Variants in MRTFA observed in about 807,000 individuals in gnomAD.
The protein encoded by MRTFA is myocardin-related transcription factor A.
Under a neutral mutation model 83.5 loss-of-function variants are expected in MRTFA, and 20 were observed. The observed-to-expected ratio is 0.24, with a 90% CI of 0.17 to 0.35. The LOEUF (loss-of-function observed/expected upper bound fraction) is 0.35, where lower values mean the gene tolerates loss of function less well. Among genes scored for constraint, MRTFA ranks in the 10% least tolerant of loss-of-function variants. The probability of loss-of-function intolerance (pLI) is 1.00; values close to 1 mark genes in which losing one functional copy is unlikely to be tolerated. For synonymous variants in MRTFA, 659 were observed against 541.2 expected (o/e 1.22, Z -3.02); for missense variants, 1,200 against 1,224.7 (o/e 0.98, Z 0.30).
rs1430687996 is a variant in MRTFA at position 40,410,961 on chromosome 22, C to CTCCCT, written c.*424_*428dup. 3 of 237,272 alleles carry CTCCCT rather than the reference C, an allele frequency of 1.3e-5. No individual in the cohort carries two copies. Among genetic ancestry groups the CTCCCT allele is most frequent in the Non-Finnish European group, 1.6e-5 (2 of 121,266 alleles). 14.7% of individuals were successfully genotyped at this position (237,272 alleles called of 1,614,324 possible). Reference sequence around the variant, plus strand: ...AGGGGGTAGAGGCCCAGGCTAATTTCTCCCTTCACAGCAAAGCAGGGAGAG... The same window carrying CTCCCT: ...AGGGGGTAGAGGCCCAGGCTAATTTCTCCCTTCCCTTCACAGCAAAGCAGGGAGAG... On this transcript the variant is annotated 3_prime_UTR_variant, in exon 15 of 15. Coordinates refer to ENST00000355630, the MANE Select transcript of MRTFA (RefSeq NM_020831.6).
intron 3 of MRTFA, among the ~76,000 whole-genome samples, chr22:40,491,591 T>G (rs560674038): frequency 6.6e-6 from 1 of 152,316 alleles, no homozygotes; most frequent in East Asian, 1.9e-4. Context: ...TAGCTCCCAT[T>G]TGTATAGTAC....
intron 1 of MRTFA, among the ~76,000 whole-genome samples, chr22:40,621,593 T>C (rs1237406932): frequency 6.6e-6 from 1 of 152,192 alleles, no homozygotes; most frequent in African/African-American, 2.4e-5. Flanking sequence ...GACAGTACAC[T>C]TAAAAATGGT....
chr22:40,432,652 AGTAAAG>A (rs1157672369), intron 5 of MRTFA, among the ~76,000 whole-genome samples: 1 of 150,662 alleles, frequency 6.6e-6, no homozygotes, highest in Non-Finnish European at 1.5e-5. Flanking sequence ...CATTATATAT[AGTAAAG>A]GTAAAGACTG....
intron 3 of MRTFA, among the ~76,000 whole-genome samples, chr22:40,536,128 C>CAA (rs766454976): frequency 1.8e-5 from 2 of 113,916 alleles, no homozygotes; most frequent in African/African-American, 3.3e-5. Flanking sequence ...CCATCTCTAC[C>CAA]AAAAAAAAAA....
chr22:40,548,891 C>CA (rs879301578), intron 3 of MRTFA, among the ~76,000 whole-genome samples: 1,987 of 127,998 alleles, frequency 0.016, 30 homozygotes, highest in African/African-American at 0.049. Context: ...CTTACATCTA[C>CA]AAAAAAAAAA....
Position 40,416,915 on chromosome 22 carries a change from A to T in MRTFA, c.2578+71T>A. On this transcript the variant is annotated intron_variant, in intron 14 of 14. Coordinates refer to ENST00000355630, the MANE Select transcript of MRTFA (RefSeq NM_020831.6). The surrounding 1 kb of genome is among the most constrained non-coding windows in gnomAD (Gnocchi z 4.2). ...GCACGGAAGCATTCAATAAAAACAA[A>T]CCAACCCAGGGCTAGAGACACCTAT... 1 of 1,454,000 alleles carries T rather than the reference A, an allele frequency of 6.9e-7. No homozygotes were observed. The highest frequency in any genetic ancestry group is 9.4e-7 in the Non-Finnish European group (1 of 1,065,234). The allele number at this position is 1,454,000 out of a possible 1,614,324, so 90.1% of individuals were successfully genotyped here.
At chr22:40,570,470 C>T (rs909634113) in intron 2 of MRTFA, among the ~76,000 whole-genome samples, 4 of 144,564 alleles carry the variant, frequency 2.8e-5, no homozygotes, top group Non-Finnish European at 6.0e-5. Context: ...CCCAGCTACT[C>T]GGGAGGCTGA....
chr22:40,524,943 G>T (rs938439228), intron 3 of MRTFA, among the ~76,000 whole-genome samples: 1 of 152,154 alleles, frequency 6.6e-6, no homozygotes, highest in Admixed American at 6.5e-5. Flanking sequence ...AAGTAGCTGG[G>T]ATTACAAGCA....
At chr22:40,540,717 C>G (rs1359971379) in intron 3 of MRTFA, among the ~76,000 whole-genome samples, 3 of 139,060 alleles carry the variant, frequency 2.2e-5, no homozygotes, top group Non-Finnish European at 4.5e-5. Flanking sequence ...GTTAAGGTTG[C>G]AGTGAGCTGA....
intron 1 of MRTFA, among the ~76,000 whole-genome samples, chr22:40,627,028 T>C (rs1369408525): frequency 6.6e-6 from 1 of 151,638 alleles, no homozygotes; most frequent in African/African-American, 2.4e-5. Context: ...AGAAAATATG[T>C]ACAAATTAAC....
chr22:40,465,908 AGGC>A (rs2053805832), intron 3 of MRTFA, among the ~76,000 whole-genome samples: 1 of 152,038 alleles, frequency 6.6e-6, no homozygotes, highest in Non-Finnish European at 1.5e-5. Flanking sequence ...AAGCAAAGTG[AGGC>A]CCAGCAGGTT....
intron 3 of MRTFA, among the ~76,000 whole-genome samples, chr22:40,527,988 G>T (rs1226569202): frequency 5.9e-5 from 9 of 152,044 alleles, no homozygotes; most frequent in Non-Finnish European, 1.2e-4. Flanking sequence ...AACTCTAAGG[G>T]GACTTCAGAT....
At chr22:40,450,642 G>A (rs1231645052) in intron 4 of MRTFA, among the ~76,000 whole-genome samples, 2 of 149,466 alleles carry the variant, frequency 1.3e-5, no homozygotes, top group Non-Finnish European at 3.0e-5. Flanking sequence ...TTTTAAAGTA[G>A]AAACAGGGTT....
rs2052694259 is a variant in MRTFA, at chr22:40,417,008, A to G, written c.2556T>C (p.Phe852=). The change falls in exon 14 of 15, where the codon TTT becomes TTC. Residue 852 remains phenylalanine, a synonymous_variant. Transcript: ENST00000355630. ...TACCTCCGCTCTGAATGAGAATGTC[A>G]AACAGGTCGTCCATCTGCTGGCTTG... is the stretch of plus-strand genomic sequence containing the variant. The G allele has an allele frequency of 6.3e-7, 1 of 1,599,028 alleles. No homozygotes were observed.
chr22:40,534,435 T>C (rs2055132688), intron 3 of MRTFA, among the ~76,000 whole-genome samples: 1 of 152,218 alleles, frequency 6.6e-6, no homozygotes, highest in Non-Finnish European at 1.5e-5. Context: ...GACAGTATAC[T>C]GATGTTATTT....
chr22:40,438,759 G>C (rs1442363239), intron 4 of MRTFA, among the ~76,000 whole-genome samples: 2 of 151,874 alleles, frequency 1.3e-5, no homozygotes, highest in African/African-American at 4.8e-5. Context: ...TTTTGTCATA[G>C]GTCACATGTA....
At chr22:40,635,838 G>A (rs2056690848) in intron 1 of MRTFA, among the ~76,000 whole-genome samples, 1 of 152,168 alleles carries the variant, frequency 6.6e-6, no homozygotes, top group Non-Finnish European at 1.5e-5. Context: ...AGATTACACA[G>A]CTAGCAAGTG....
At chr22:40,536,370 C>T (rs572837139) in intron 3 of MRTFA, among the ~76,000 whole-genome samples, 5 of 144,854 alleles carry the variant, frequency 3.5e-5, no homozygotes, top group South Asian at 2.2e-4. Context: ...CAGCGGGCAG[C>T]GGAGCTGTCT....
intron 3 of MRTFA, among the ~76,000 whole-genome samples, chr22:40,546,005 G>A (rs2055360566): frequency 6.6e-6 from 1 of 152,370 alleles, no homozygotes; most frequent in African/African-American, 2.4e-5. Flanking sequence ...GGGATTACAG[G>A]CGTGAGCCGC....
Sources: gnomAD v4.1 joint callset for allele counts (sites outside exome capture counted in the v4.1 genomes callset) on GRCh38, gnomAD v4.1.1 for gene constraint, Gnocchi (gnomAD v3.1) non-coding constraint, MANE v1.5 for transcripts, NCBI Gene and HGNC (gene_info 2026-07-23, HGNC 2026-07-21) for gene names.